MRPL1: variants seen among roughly 807,000 people sequenced by gnomAD.
MRPL1 encodes the protein large ribosomal subunit protein uL1m.
A neutral mutation model predicts 38.0 loss-of-function variants in MRPL1; 28 were observed. The ratio of observed to expected loss-of-function variants is 0.74; its 90% confidence interval spans 0.55 to 1.01. The LOEUF is 1.01. MRPL1 is among the 50% of genes least tolerant of loss of function. MRPL1 has a pLI of 0.00. For missense variants in MRPL1, 358 were observed against 389.8 expected (o/e 0.92, Z 0.69); for synonymous variants, 123 against 126.7 (o/e 0.97, Z 0.20).
chr4:77,937,315 A>G (rs1578062177), intron 7 of MRPL1, among the ~76,000 whole-genome samples: 1 of 151,956 alleles, frequency 6.6e-6, no homozygotes, highest in East Asian at 1.9e-4. Flanking sequence ...CCCTTGACTA[A>G]TTTGGAGCCA....
rs1429789459 is a variant in MRPL1 at position 77,909,317 on chromosome 4, A to G, written c.722A>G (p.His241Arg). ...PKMLELFKNG[H>R]EIKVDEEREN... ...ATGCTTGAATTATTTAAAAATGGAC[A>G]TGAAATTAAGGTAGATGAAGAAAGG... Residue 241 changes from histidine (H) to arginine (R), a missense_variant, in exon 7 of 9, where the codon CAT becomes CGT. Transcript: ENST00000315567. 13 of 1,612,024 alleles carry G rather than the reference A, an allele frequency of 8.1e-6. No homozygotes were observed. The highest frequency in any genetic ancestry group is 2.7e-5 in the African/African-American group (2 of 74,878).
intron 7 of MRPL1, among the ~76,000 whole-genome samples, chr4:77,920,861 C>T (rs570464425): frequency 1.6e-4 from 24 of 152,250 alleles, no homozygotes; most frequent in Admixed American, 2.6e-4. Context: ...CTCTTTGTTT[C>T]AACTGATTCT....
At chr4:77,896,470 CT>C (rs1029338896) in intron 6 of MRPL1, among the ~76,000 whole-genome samples, 2 of 152,058 alleles carry the variant, frequency 1.3e-5, no homozygotes, top group African/African-American at 4.8e-5. Flanking sequence ...CATTTGTGTT[CT>C]TTAAACATGA....
chr4:77,871,219 T>C (rs1334875359), intron 1 of MRPL1, among the ~76,000 whole-genome samples: 1 of 151,890 alleles, frequency 6.6e-6, no homozygotes, highest in Non-Finnish European at 1.5e-5. Context: ...AAAGCCTGTC[T>C]TTAAAAGAAA....
At chr4:77,935,877 A>G (rs566779734) in intron 7 of MRPL1, among the ~76,000 whole-genome samples, 32 of 150,768 alleles carry the variant, frequency 2.1e-4, no homozygotes, top group Non-Finnish European at 4.6e-4. Flanking sequence ...GGTTGCAGTG[A>G]GCCAAGATTG....
chr4:77,907,285 TAGG>T (rs1198645532), intron 6 of MRPL1: 1 of 547,004 alleles, frequency 1.8e-6, no homozygotes, highest in Non-Finnish European at 2.3e-6. Flanking sequence ...GACTAAATCT[TAGG>T]AGAGAAATAG....
At chr4:77,940,487 GCAAA>G (rs1448383261) in intron 7 of MRPL1, among the ~76,000 whole-genome samples, 1 of 152,150 alleles carries the variant, frequency 6.6e-6, no homozygotes, top group Non-Finnish European at 1.5e-5. Flanking sequence ...CATATCATCA[GCAAA>G]CAGTGACAAT....
At chr4:77,886,221 T>C (rs1452173278) in intron 4 of MRPL1, among the ~76,000 whole-genome samples, 2 of 152,120 alleles carry the variant, frequency 1.3e-5, no homozygotes, top group African/African-American at 4.8e-5. Context: ...CAGGCTGGAG[T>C]ACAGTGGTGC....
At chr4:77,896,137 C>T in intron 6 of MRPL1, among the ~76,000 whole-genome samples, 1 of 148,672 alleles carries the variant, frequency 6.7e-6, no homozygotes. Flanking sequence ...TCTCTGTAAC[C>T]CTTTTAGCTT....
chr4:77,925,746 G>T (rs1736700752), intron 7 of MRPL1, among the ~76,000 whole-genome samples: 1 of 150,782 alleles, frequency 6.6e-6, no homozygotes, highest in Non-Finnish European at 1.5e-5. Flanking sequence ...TTGATTCTTA[G>T]TTTTCTTGTT....
chr4:77,896,552 T>C (rs1451718209), intron 6 of MRPL1, among the ~76,000 whole-genome samples: 1 of 152,240 alleles, frequency 6.6e-6, no homozygotes, highest in Non-Finnish European at 1.5e-5. Flanking sequence ...AAGCTTCTAT[T>C]ATGCATTTTC....
intron 7 of MRPL1, among the ~76,000 whole-genome samples, chr4:77,934,096 A>G (rs919576128): frequency 2.6e-5 from 4 of 152,242 alleles, no homozygotes; most frequent in African/African-American, 9.6e-5. Context: ...GCAACTTAGA[A>G]TCTCAAAAGG....
At chr4:77,904,322 G>T (rs1468219195) in intron 6 of MRPL1, among the ~76,000 whole-genome samples, 2 of 152,078 alleles carry the variant, frequency 1.3e-5, no homozygotes, top group Admixed American at 1.3e-4. Flanking sequence ...GGGAGGCTGA[G>T]GCAGGTGAAT....
rs186250044 is a variant in MRPL1, at chr4:77,876,734, T to C, written c.143+4879T>C. Among the ~76,000 whole-genome samples the C allele has an allele frequency of 2.6e-4, 39 of 152,340 alleles. No individual in the cohort carries two copies. In the East Asian group the frequency reaches 7.5e-3, roughly 29 times the overall value. On this transcript the variant is annotated intron_variant, in intron 2 of 8. Transcript: ENST00000315567. The stretch of plus-strand genomic sequence containing the variant: ...CTGAATGGAGTAGAGGGGCACCTGC[T>C]AGCTTCTCTTGTCTGTCCTTTTGGC...
chr4:77,892,343 G>A lies in MRPL1; in HGVS notation c.559-1796G>A, dbSNP rs549551706. On this transcript the variant is annotated intron_variant, in intron 5 of 8. Coordinates refer to ENST00000315567, the MANE Select transcript of MRPL1 (RefSeq NM_020236.4). Reference sequence around the variant, plus strand: ...AGATGGGGTTTCACCGTGTTGGCCAGGCTGGTCTTGAACTCCTGACCTCAG... The same window carrying A: ...AGATGGGGTTTCACCGTGTTGGCCAAGCTGGTCTTGAACTCCTGACCTCAG... Among the ~76,000 whole-genome samples the A allele has an allele frequency of 9.9e-5, 15 of 152,174 alleles. No individual in the cohort carries two copies. In the East Asian group the frequency reaches 2.9e-3, roughly 29 times the overall value.
chr4:77,886,669 G>A (rs551194106), intron 4 of MRPL1, among the ~76,000 whole-genome samples: 2 of 151,982 alleles, frequency 1.3e-5, no homozygotes, highest in Non-Finnish European at 2.9e-5. Flanking sequence ...TGTAGAGATC[G>A]GGGATCTCAC....
intron 7 of MRPL1, among the ~76,000 whole-genome samples, chr4:77,919,921 T>G (rs1254833130): frequency 1.3e-5 from 2 of 151,934 alleles, no homozygotes; most frequent in African/African-American, 4.8e-5. Flanking sequence ...GGGTAGAGTT[T>G]CATAAATATA....
rs34043885 is a variant in MRPL1, at chr4:77,892,127, CTT to C, written c.559-2000_559-1999del. Among the ~76,000 whole-genome samples the C allele has an allele frequency of 2.6e-4, 37 of 145,002 alleles. 1 individual carries two copies. The South Asian group carries it at 2.8e-3, about 11-fold the overall frequency. ...GTAGGATAAATTTATGTAGTCATTT[CTT>C]TTTTTTTTTTTCTCTTTTTGAGATG... On this transcript the variant is annotated intron_variant, in intron 5 of 8. Transcript: ENST00000315567.
intron 7 of MRPL1, among the ~76,000 whole-genome samples, chr4:77,914,489 G>A (rs898887754): frequency 4.6e-5 from 7 of 152,048 alleles, no homozygotes; most frequent in Admixed American, 3.9e-4. Flanking sequence ...AATTAAAAAC[G>A]TGCAGTATGT....
Sources: gnomAD v4.1 joint callset for allele counts (sites outside exome capture counted in the v4.1 genomes callset) on GRCh38, gnomAD v4.1.1 for gene constraint, MANE v1.5 for transcripts, NCBI Gene and HGNC (gene_info 2026-07-23, HGNC 2026-07-21) for gene names.